The following PTPRD variants were observed in gnomAD, a reference collection of about 807,000 sequenced individuals.
PTPRD encodes the protein receptor-type tyrosine-protein phosphatase delta.
A neutral mutation model predicts 214.5 loss-of-function variants in PTPRD; 34 were observed. The observed-to-expected ratio is 0.16, with a 90% CI of 0.12 to 0.21. PTPRD has a LOEUF of 0.21. PTPRD is among the 10% of genes least tolerant of loss of function. The probability of loss-of-function intolerance (pLI) is 1.00; values close to 1 mark genes in which losing one functional copy is unlikely to be tolerated. For missense variants in PTPRD, 2,545 were observed against 2,398.7 expected (o/e 1.06, Z -1.27); for synonymous variants, 1,128 against 845.7 (o/e 1.33, Z -5.79).
intron 11 of PTPRD, among the ~76,000 whole-genome samples, chr9:8,810,329 G>C (rs2096776009): frequency 6.6e-6 from 1 of 152,082 alleles, no homozygotes; most frequent in Non-Finnish European, 1.5e-5. Context: ...TTGCCATGTA[G>C]GGCCTTCTCC....
intron 5 of PTPRD, among the ~76,000 whole-genome samples, chr9:9,933,217 A>C (rs201765937): frequency 5.1e-3 from 770 of 152,228 alleles, no homozygotes; most frequent in East Asian, 0.048. Context: ...GATCAAATTC[A>C]CACATAACAA....
intron 11 of PTPRD, among the ~76,000 whole-genome samples, chr9:8,978,663 T>A (rs191920814): frequency 5.3e-5 from 8 of 152,206 alleles, no homozygotes; most frequent in African/African-American, 1.9e-4. Context: ...CTTCTCCACC[T>A]TGGCTTGTGC....
intron 3 of PTPRD, among the ~76,000 whole-genome samples, chr9:10,237,481 C>G (rs1349403564): frequency 6.6e-6 from 1 of 151,900 alleles, no homozygotes; most frequent in Non-Finnish European, 1.5e-5. Context: ...AGAAGGAAGA[C>G]TGTTGACAAT....
At chr9:9,370,884 C>T (rs1017298127) in intron 9 of PTPRD, among the ~76,000 whole-genome samples, 1 of 152,022 alleles carries the variant, frequency 6.6e-6, no homozygotes, top group Non-Finnish European at 1.5e-5. Context: ...TGGTTTTTGT[C>T]TTTGGTTCTG....
chr9:9,449,909 A>T (rs140804386), intron 8 of PTPRD, among the ~76,000 whole-genome samples: 2 of 151,778 alleles, frequency 1.3e-5, no homozygotes, highest in African/African-American at 2.4e-5. Flanking sequence ...CCAAGTCCCC[A>T]AAGTCCGTCA....
At chr9:8,626,714 G>A (rs898585136) in intron 14 of PTPRD, among the ~76,000 whole-genome samples, 1 of 151,550 alleles carries the variant, frequency 6.6e-6, no homozygotes, top group Non-Finnish European at 1.5e-5. Context: ...CCTTCAAACT[G>A]GGACATCAGC....
intron 2 of PTPRD, among the ~76,000 whole-genome samples, chr9:10,365,236 C>T (rs896168864): frequency 6.6e-6 from 1 of 152,122 alleles, no homozygotes; most frequent in Non-Finnish European, 1.5e-5. Context: ...TTTCCACTTG[C>T]AGGTTAAAAA....
chr9:8,733,999 G>A, intron 11 of PTPRD, 53 bp from the exon 12 acceptor site: 1 of 687,988 alleles, frequency 1.5e-6, no homozygotes, highest in Non-Finnish European at 2.5e-6. Context: ...AAAGTGCTTA[G>A]ATTTCTTACT....
intron 3 of PTPRD, among the ~76,000 whole-genome samples, chr9:10,337,072 T>C (rs576216561): frequency 2.0e-5 from 3 of 151,810 alleles, no homozygotes; most frequent in Non-Finnish European, 4.4e-5. Flanking sequence ...CCTTGCTTAT[T>C]TAATTTCTAA....
chr9:8,429,357 C>T (rs771165783), intron 35 of PTPRD, among the ~76,000 whole-genome samples: 3 of 152,042 alleles, frequency 2.0e-5, no homozygotes, highest in Admixed American at 6.5e-5. Context: ...ATGCTCCTTA[C>T]CTCTATGATG....
At chr9:8,352,077 A>T (rs2075654111) in intron 39 of PTPRD, among the ~76,000 whole-genome samples, 1 of 81,152 alleles carries the variant, frequency 1.2e-5, no homozygotes, top group Admixed American at 1.7e-4. Context: ...ACATGGGCCT[A>T]ATCTGATTTT....
intron 11 of PTPRD, among the ~76,000 whole-genome samples, chr9:8,881,745 C>A (rs541224648): frequency 6.6e-6 from 1 of 152,084 alleles, no homozygotes; most frequent in Non-Finnish European, 1.5e-5. Context: ...GAAGAAGCAG[C>A]GGAGAAAAAG....
chr9:10,095,858 T>A (rs536960697), intron 3 of PTPRD, among the ~76,000 whole-genome samples: 1 of 151,552 alleles, frequency 6.6e-6, no homozygotes, highest in Non-Finnish European at 1.5e-5. Flanking sequence ...ACCTCTGACA[T>A]TGAATATATT....
chr9:10,212,862 G>T (rs1387067373), intron 3 of PTPRD, among the ~76,000 whole-genome samples: 1 of 152,136 alleles, frequency 6.6e-6, no homozygotes. Context: ...TTGAGTGATT[G>T]CACGTCTGAG....
At chr9:9,361,269 T>C (rs2056039484) in intron 9 of PTPRD, among the ~76,000 whole-genome samples, 2 of 151,140 alleles carry the variant, frequency 1.3e-5, no homozygotes, top group Admixed American at 6.6e-5. Flanking sequence ...TCAATTCATT[T>C]GAGATCATTA....
At chr9:10,286,655 T>C (rs893410986) in intron 3 of PTPRD, among the ~76,000 whole-genome samples, 1 of 152,112 alleles carries the variant, frequency 6.6e-6, no homozygotes, top group Non-Finnish European at 1.5e-5. Context: ...TGGAGTGCAG[T>C]GGCAGGATCT....
chr9:8,522,236 C>G (rs1331026316), intron 19 of PTPRD, among the ~76,000 whole-genome samples: 1 of 152,150 alleles, frequency 6.6e-6, no homozygotes, highest in Non-Finnish European at 1.5e-5. Context: ...AAGATGGAAT[C>G]TCAAGGCCCG....
In PTPRD at chr9:8,418,150, A is replaced by G. The variant is rs2094085816; in HGVS notation, c.4087-13490T>C. Among the ~76,000 whole-genome samples the G allele has an allele frequency of 2.0e-5, 3 of 151,738 alleles. 1 individual carries two copies. The South Asian group carries it at 6.3e-4, about 32-fold the overall frequency. On this transcript the variant is annotated intron_variant, in intron 35 of 45. Coordinates refer to ENST00000381196, the MANE Select transcript of PTPRD (RefSeq NM_002839.4). ...CCTTTGGCTCTGTTTTCCTCTGTCCATGTCTGAGGTTCTCATTTCTGACTT... is the reference window on the plus strand; with the variant it reads ...CCTTTGGCTCTGTTTTCCTCTGTCCGTGTCTGAGGTTCTCATTTCTGACTT...
intron 44 of PTPRD, among the ~76,000 whole-genome samples, chr9:8,321,132 G>C (rs1267501652): frequency 6.6e-6 from 1 of 152,096 alleles, no homozygotes; most frequent in East Asian, 1.9e-4. Flanking sequence ...CTTCTGTTAA[G>C]ATGAAGCAGA....
Sources: gnomAD v4.1 joint callset for allele counts (sites outside exome capture counted in the v4.1 genomes callset) on GRCh38, gnomAD v4.1.1 for gene constraint, MANE v1.5 for transcripts, NCBI Gene and HGNC (gene_info 2026-07-23, HGNC 2026-07-21) for gene names.